Variants in DOCK4 observed in about 807,000 individuals in gnomAD.
DOCK4 encodes dedicator of cytokinesis 4, also known as dedicator of cytokinesis protein 4.
Under a neutral mutation model 268.1 loss-of-function variants are expected in DOCK4, and 97 were observed. The ratio of observed to expected loss-of-function variants is 0.36; its 90% confidence interval spans 0.31 to 0.43. The LOEUF (loss-of-function observed/expected upper bound fraction) is 0.43. Among genes scored for constraint, DOCK4 ranks in the 20% least tolerant of loss-of-function variants. The pLI, the probability that DOCK4 is intolerant of heterozygous loss-of-function variation, is 1.00. For missense variants in DOCK4, 2,145 were observed against 2,455.7 expected, an observed-to-expected ratio of 0.87 and a Z score of 2.67; for synonymous variants, 954 against 887.2, an observed-to-expected ratio of 1.08 and a Z score of -1.34.
chr7:111,872,152 T>TTG, intron 19 of DOCK4, 62 bp from the exon 20 acceptor site: 1 of 1,424,104 alleles, frequency 7.0e-7, no homozygotes, highest in Non-Finnish European at 9.4e-7. Flanking sequence ...CTTTTTTTTT[T>TTG]GCTTCTTTTT....
intron 23 of DOCK4, among the ~76,000 whole-genome samples, chr7:111,859,164 A>G (rs920096632): frequency 6.6e-6 from 1 of 152,126 alleles, no homozygotes; most frequent in African/African-American, 2.4e-5. Context: ...GACCACAGGT[A>G]TGCACCACCA....
chr7:111,843,829 C>G (rs6976029), intron 25 of DOCK4, among the ~76,000 whole-genome samples: 40,635 of 151,934 alleles, frequency 0.27, 6,283 homozygotes, highest in African/African-American at 0.42. Context: ...TCTGGAAAAT[C>G]TGGCCTTAGG....
At chr7:112,055,597 G>A (rs1158015718) in intron 1 of DOCK4, among the ~76,000 whole-genome samples, 3 of 152,076 alleles carry the variant, frequency 2.0e-5, no homozygotes, top group South Asian at 2.1e-4. Flanking sequence ...TGCAAAAGAC[G>A]AGATAGAATT....
intron 51 of DOCK4, among the ~76,000 whole-genome samples, chr7:111,733,168 CAGTG>C (rs1795224875): frequency 6.6e-6 from 1 of 152,202 alleles, no homozygotes; most frequent in Admixed American, 6.5e-5. Context: ...CCAGCTGTCA[CAGTG>C]AGGTTTGCAA....
chr7:111,931,821 G>C (rs953860617), intron 12 of DOCK4, among the ~76,000 whole-genome samples: 7 of 152,178 alleles, frequency 4.6e-5, no homozygotes, highest in African/African-American at 1.4e-4. Flanking sequence ...CACCATGTAT[G>C]ATGTCCTGTG....
At chr7:111,814,129 G>T (rs1475412193) in intron 27 of DOCK4, among the ~76,000 whole-genome samples, 2 of 152,110 alleles carry the variant, frequency 1.3e-5, no homozygotes, top group African/African-American at 4.8e-5. Flanking sequence ...AGACTATCAC[G>T]CCAAATGTCA....
At chr7:111,800,513 T>C (rs1786409962) in intron 30 of DOCK4, among the ~76,000 whole-genome samples, 3 of 152,174 alleles carry the variant, frequency 2.0e-5, no homozygotes, top group African/African-American at 4.8e-5. Flanking sequence ...TCTGGTAATG[T>C]ACAGCGACAT....
At chr7:111,933,128 A>G (rs1253568127) in intron 12 of DOCK4, among the ~76,000 whole-genome samples, 5 of 135,918 alleles carry the variant, frequency 3.7e-5, no homozygotes, top group Non-Finnish European at 7.8e-5. Context: ...ACATATATAT[A>G]CGTATATACA....
At chr7:112,029,412 T>C (rs1260743511) in intron 1 of DOCK4, among the ~76,000 whole-genome samples, 3 of 152,122 alleles carry the variant, frequency 2.0e-5, no homozygotes, top group Non-Finnish European at 2.9e-5. Context: ...AACTGTTGTA[T>C]AAAAATGAAA....
intron 47 of DOCK4, 74 bp downstream of exon 47, chr7:111,741,020 C>T: frequency 1.3e-6 from 2 of 1,559,348 alleles, no homozygotes; most frequent in Non-Finnish European, 1.8e-6. Context: ...ATCAGCACAG[C>T]AGAATGAACA....
At chr7:112,079,533 G>A (rs1227388711) in intron 1 of DOCK4, among the ~76,000 whole-genome samples, 3 of 152,020 alleles carry the variant, frequency 2.0e-5, no homozygotes, top group Non-Finnish European at 4.4e-5. Context: ...CATATTTCAG[G>A]GCACTGACAA....
chr7:111,748,984 T>C (rs1054596564), intron 42 of DOCK4, among the ~76,000 whole-genome samples: 21 of 152,108 alleles, frequency 1.4e-4, no homozygotes, highest in African/African-American at 5.1e-4. Flanking sequence ...AGTAGTATGT[T>C]ATATAACGTT....
intron 1 of DOCK4, among the ~76,000 whole-genome samples, chr7:112,012,028 C>T (rs1586637339): frequency 2.0e-5 from 3 of 151,856 alleles, no homozygotes; most frequent in Admixed American, 6.6e-5. Flanking sequence ...CACGATGACA[C>T]CCCCTGCCTG....
chr7:112,143,497 A>G (rs551566726), intron 1 of DOCK4, among the ~76,000 whole-genome samples: 1 of 152,330 alleles, frequency 6.6e-6, no homozygotes, highest in East Asian at 1.9e-4. Context: ...ACAACTCTCT[A>G]TCAAATACAT....
chr7:111,766,640 C>T (rs111344271), intron 38 of DOCK4, among the ~76,000 whole-genome samples: 6 of 152,194 alleles, frequency 3.9e-5, no homozygotes, highest in African/African-American at 1.4e-4. Flanking sequence ...GAATTTGGCC[C>T]TAAATTATTT....
At chr7:112,102,614 T>C (rs1810799182) in intron 1 of DOCK4, among the ~76,000 whole-genome samples, 1 of 152,146 alleles carries the variant, frequency 6.6e-6, no homozygotes, top group Non-Finnish European at 1.5e-5. Flanking sequence ...TCCCTTGCCC[T>C]TTCCAACATG....
At chr7:111,767,614 T>C (rs1331256737) in intron 37 of DOCK4, among the ~76,000 whole-genome samples, 3 of 152,208 alleles carry the variant, frequency 2.0e-5, no homozygotes, top group South Asian at 2.1e-4. Context: ...CTTTGAATGC[T>C]GGAAACGATA....
intron 23 of DOCK4, among the ~76,000 whole-genome samples, chr7:111,847,855 C>G (rs1804240202): frequency 6.6e-6 from 1 of 152,172 alleles, no homozygotes; most frequent in Non-Finnish European, 1.5e-5. Context: ...CTAATACACT[C>G]CCTTTTCTCC....
intron 1 of DOCK4, among the ~76,000 whole-genome samples, chr7:112,129,243 C>T (rs1178969260): frequency 6.6e-6 from 1 of 152,156 alleles, no homozygotes; most frequent in South Asian, 2.1e-4. Context: ...TTTATAACAA[C>T]TTGAATGGAT....
Sources: gnomAD v4.1 joint callset for allele counts (sites outside exome capture counted in the v4.1 genomes callset) on GRCh38, gnomAD v4.1.1 for gene constraint, MANE v1.5 for transcripts, NCBI Gene and HGNC (gene_info 2026-07-23, HGNC 2026-07-21) for gene names.